Variants in LRRC7 observed in about 807,000 individuals in gnomAD.
LRRC7 encodes leucine rich repeat containing 7, also known as leucine-rich repeat-containing protein 7.
A neutral mutation model predicts 175.7 loss-of-function variants in LRRC7; 23 were observed. The observed-to-expected ratio is 0.13, with a 90% CI of 0.09 to 0.19. LRRC7 has a LOEUF of 0.19. Ranked by LOEUF, LRRC7 falls within the 10% of genes least tolerant of loss-of-function variation. LRRC7 has a pLI of 1.00. For synonymous variants in LRRC7, 685 were observed against 680.9 expected (o/e 1.01, Z -0.09); for missense variants, 1,354 against 1,904.7 (o/e 0.71, Z 5.38).
At chr1:69,866,489 A>G (rs1684961504) in intron 7 of LRRC7, among the ~76,000 whole-genome samples, 1 of 152,210 alleles carries the variant, frequency 6.6e-6, no homozygotes, top group Non-Finnish European at 1.5e-5. Context: ...TTAGAATCTG[A>G]TGGCATTCAG....
At chr1:69,802,623 T>G (rs569827393) in intron 4 of LRRC7, among the ~76,000 whole-genome samples, 2 of 151,488 alleles carry the variant, frequency 1.3e-5, no homozygotes, top group East Asian at 3.9e-4. Context: ...ACCAGTAAGG[T>G]GAATTTCTTA....
intron 7 of LRRC7, among the ~76,000 whole-genome samples, chr1:69,898,318 C>T (rs773666914): frequency 6.6e-6 from 1 of 152,092 alleles, no homozygotes; most frequent in Non-Finnish European, 1.5e-5. Flanking sequence ...AACTTTGCAC[C>T]TGTGGTTGGA....
chr1:69,588,562 C>G (rs1646494817), intron 1 of LRRC7, among the ~76,000 whole-genome samples: 1 of 151,920 alleles, frequency 6.6e-6, no homozygotes. Flanking sequence ...ATTGTAAAAC[C>G]TAAATATGGA....
intron 2 of LRRC7, among the ~76,000 whole-genome samples, chr1:69,722,851 T>C (rs1369456860): frequency 6.6e-6 from 1 of 152,118 alleles, no homozygotes; most frequent in Admixed American, 6.6e-5. Context: ...ATACCATATA[T>C]GGTATACACC....
At chr1:70,075,989 C>T in intron 23 of LRRC7, 88 bp from the exon 24 acceptor site, 1 of 1,389,694 alleles carries the variant, frequency 7.2e-7, no homozygotes, top group South Asian at 1.3e-5. Flanking sequence ...TGCCGCTTTA[C>T]CAGAGAGGTA....
intron 2 of LRRC7, among the ~76,000 whole-genome samples, chr1:69,759,571 C>G (rs1670809839): frequency 6.6e-6 from 1 of 151,956 alleles, no homozygotes; most frequent in Non-Finnish European, 1.5e-5. Flanking sequence ...AGTGAATAAC[C>G]AATCCAATTA....
At chr1:69,701,586 G>T (rs1245504861) in intron 2 of LRRC7, among the ~76,000 whole-genome samples, 1 of 152,122 alleles carries the variant, frequency 6.6e-6, no homozygotes, top group Non-Finnish European at 1.5e-5. Flanking sequence ...TTTAAAGTCA[G>T]ATATATTTAT....
chr1:69,997,035 A>G (rs970378999), intron 11 of LRRC7, among the ~76,000 whole-genome samples: 12 of 152,148 alleles, frequency 7.9e-5, no homozygotes, highest in East Asian at 5.8e-4. Flanking sequence ...CCATGAGCAT[A>G]GAATGTTCTT....
chr1:70,020,952 T>C, intron 15 of LRRC7, 53 bp from the exon 16 acceptor site: 1 of 1,508,104 alleles, frequency 6.6e-7, no homozygotes, highest in South Asian at 1.3e-5. Context: ...ATTAAATACT[T>C]TGTGTAAAAT....
chr1:69,864,298 G>A (rs1423475733), intron 7 of LRRC7, among the ~76,000 whole-genome samples: 1 of 152,218 alleles, frequency 6.6e-6, no homozygotes, highest in East Asian at 1.9e-4. Context: ...TATCTCCATT[G>A]CCTAGAGCAG....
rs1666619257 is a variant in LRRC7 at position 70,130,506 on chromosome 1, T to G, written c.*8619T>G. ...TTAAAAAAAATTTCTCCTTTTTAAA[T>G]CAGTCTTCCTCCTCTCTTCAGCATT... On this transcript the variant is annotated 3_prime_UTR_variant, in exon 27 of 27. Transcript: ENST00000651989. Among the ~76,000 whole-genome samples the G allele has an allele frequency of 6.6e-6, 1 of 152,338 alleles. No homozygotes were observed. The highest frequency in any genetic ancestry group is 2.4e-5 in the African/African-American group (1 of 41,582).
At chr1:69,610,310 A>G (rs1433823111) in intron 1 of LRRC7, among the ~76,000 whole-genome samples, 3 of 152,060 alleles carry the variant, frequency 2.0e-5, no homozygotes, top group Non-Finnish European at 4.4e-5. Context: ...ATGAGATTCA[A>G]AATCAGTTTT....
Position 69,718,142 on chromosome 1 carries a change from G to GAAAGAAAGAAAGAAAGAAAA in LRRC7, c.100+39665_100+39666insAAGAAAGAAAGAAAGAAAAA, listed in dbSNP as rs1553146139. 2.7e-4 allele frequency among the ~76,000 whole-genome samples: 20 copies of GAAAGAAAGAAAGAAAGAAAA among 73,762 alleles called. 1 individual carries two copies. The Admixed American group carries it at 2.8e-3, about 10-fold the overall frequency. The allele number at this position is 73,762 out of a possible 152,430, so 48.4% of individuals were successfully genotyped here. ...GAAAGAAAGAAAAGAAAGAAAGAGA[G>GAAAGAAAGAAAGAAAGAAAA]AGAAAGAAAGAAAGAAAGAAAGAAA... is the stretch of plus-strand genomic sequence containing the variant. On this transcript the variant is annotated intron_variant, in intron 2 of 26. Coordinates refer to ENST00000651989, the MANE Select transcript of LRRC7 (RefSeq NM_001370785.2).
At chr1:70,103,336 G>T (rs1336538060) in intron 25 of LRRC7, among the ~76,000 whole-genome samples, 1 of 152,102 alleles carries the variant, frequency 6.6e-6, no homozygotes, top group Non-Finnish European at 1.5e-5. Flanking sequence ...AAGATGAGAA[G>T]ATTACCCTGG....
chr1:69,891,226 T>C (rs1645823333), intron 7 of LRRC7, among the ~76,000 whole-genome samples: 1 of 152,232 alleles, frequency 6.6e-6, no homozygotes, highest in African/African-American at 2.4e-5. Context: ...AAATCTTCCT[T>C]TCACTTGAAC....
At chr1:69,697,138 G>T (rs1662709796) in intron 2 of LRRC7, among the ~76,000 whole-genome samples, 1 of 152,044 alleles carries the variant, frequency 6.6e-6, no homozygotes, top group South Asian at 2.1e-4. Context: ...TTTCTCATAA[G>T]GAAATCTCTC....
At chr1:69,610,094 G>A (rs1052189217) in intron 1 of LRRC7, among the ~76,000 whole-genome samples, 11 of 152,138 alleles carry the variant, frequency 7.2e-5, no homozygotes, top group African/African-American at 2.6e-4. Flanking sequence ...AAGTGTTTCA[G>A]TGTATATCTC....
At chr1:69,958,680 G>A (rs1402557009) in intron 8 of LRRC7, among the ~76,000 whole-genome samples, 1 of 151,932 alleles carries the variant, frequency 6.6e-6, no homozygotes, top group Non-Finnish European at 1.5e-5. Context: ...ATTTGGGAGA[G>A]CCAGAGGTAG....
chr1:69,898,395 T>C (rs931010261), intron 7 of LRRC7, among the ~76,000 whole-genome samples: 1 of 152,220 alleles, frequency 6.6e-6, no homozygotes. Flanking sequence ...TATTGTTCGA[T>C]TGGATTCATA....
Sources: gnomAD v4.1 joint callset for allele counts (sites outside exome capture counted in the v4.1 genomes callset) on GRCh38, gnomAD v4.1.1 for gene constraint, MANE v1.5 for transcripts, NCBI Gene and HGNC (gene_info 2026-07-23, HGNC 2026-07-21) for gene names.